Variants in APEH observed in about 807,000 individuals in gnomAD.
APEH encodes acylaminoacyl-peptide hydrolase.
In APEH, 75 loss-of-function variants were observed where a neutral mutation model predicts 102.7. That is an observed-to-expected ratio of 0.73 (90% CI 0.61 to 0.89). The LOEUF (loss-of-function observed/expected upper bound fraction) is 0.89. Ranked by LOEUF, APEH falls within the 40% of genes least tolerant of loss-of-function variation. APEH has a pLI of 0.00. For synonymous variants in APEH, 344 were observed against 362.7 expected (o/e 0.95, Z 0.59); for missense variants, 863 against 941.2 (o/e 0.92, Z 1.09).
At chr3:49,680,481 G>C in intron 13 of APEH, 60 bp from the exon 14 acceptor site, 2 of 1,445,830 alleles carry the variant, frequency 1.4e-6, no homozygotes, top group Non-Finnish European at 1.9e-6. Context: ...CTGTTACAGA[G>C]AAGCAGGTAA....
In APEH at chr3:49,683,452, T is replaced by C; in HGVS notation, c.*110T>C. 2.2e-6 allele frequency: 2 copies of C among 904,882 alleles called. No individual in the cohort carries two copies. The highest frequency in any genetic ancestry group is 4.9e-5 in the East Asian group (2 of 40,850). The allele number at this position is 904,882 out of a possible 1,614,324, so 56.1% of individuals were successfully genotyped here. ...CTTTCTGGGCTCTGGACTCCACGGATGCGTGGGCAGAGGAATGTGGGCTAT... is the reference window on the plus strand; with the variant it reads ...CTTTCTGGGCTCTGGACTCCACGGACGCGTGGGCAGAGGAATGTGGGCTAT... On this transcript the variant is annotated 3_prime_UTR_variant, in exon 22 of 22. Transcript: ENST00000296456.
chr3:49,677,511 G>A, intron 10 of APEH, 62 bp from the exon 11 acceptor site: 1 of 1,470,300 alleles, frequency 6.8e-7, no homozygotes. Flanking sequence ...TAGGCACAGG[G>A]CACTGTGCCC....
chr3:49,677,144 T>G, intron 10 of APEH, 120 bp downstream of exon 10: 1 of 1,414,230 alleles, frequency 7.1e-7, no homozygotes, highest in Non-Finnish European at 9.7e-7. Flanking sequence ...CTGTCCTCAA[T>G]GCAGCAGCGG....
At chr3:49,676,316 G>T in intron 6 of APEH, 62 bp from the exon 7 acceptor site, 2 of 1,612,470 alleles carry the variant, frequency 1.2e-6, no homozygotes, top group Non-Finnish European at 1.7e-6. Flanking sequence ...GGAGGCACTA[G>T]CTTTTAGGAA....
At chr3:49,681,636 T>G (rs1229359452) in intron 15 of APEH, 86 bp from the exon 16 acceptor site, 1 of 1,268,034 alleles carries the variant, frequency 7.9e-7, no homozygotes, top group Non-Finnish European at 1.1e-6. Flanking sequence ...GACCCAGAGG[T>G]CAGCCCCACA....
Position 49,676,090 on chromosome 3 carries a change from G to T in APEH, c.477G>T (p.Glu159Asp). ...CFGCLSWSHS[E>D]THLLYVAEKK... Reference sequence around the variant, plus strand: ...GCTGCCTGTCCTGGTCGCACTCGGAGACACACTTGTTGTATGTGGCAGAGA... The same window carrying T: ...GCTGCCTGTCCTGGTCGCACTCGGATACACACTTGTTGTATGTGGCAGAGA... The change falls in exon 6 of 22, where the codon GAG becomes GAT. Residue 159 changes from glutamate (E) to aspartate (D), a missense_variant. Coordinates refer to ENST00000296456, the MANE Select transcript of APEH (RefSeq NM_001640.4). The T allele has an allele frequency of 6.2e-7, 1 of 1,614,238 alleles. No individual in the cohort carries two copies. The highest frequency in any genetic ancestry group is 8.5e-7 in the Non-Finnish European group (1 of 1,180,038).
At chr3:49,678,806 C>G in intron 11 of APEH, 46 bp from the exon 12 acceptor site, 2 of 1,498,422 alleles carry the variant, frequency 1.3e-6, no homozygotes, top group Non-Finnish European at 1.9e-6. Flanking sequence ...GACTACCCTC[C>G]CTACCTCCAC....
At chr3:49,677,991 A>C (rs2053146193) in intron 11 of APEH, among the ~76,000 whole-genome samples, 1 of 152,152 alleles carries the variant, frequency 6.6e-6, no homozygotes, top group Non-Finnish European at 1.5e-5. Flanking sequence ...CAGGAAGTGC[A>C]CTAGGTTGGA....
chr3:49,683,300 C>A lies in APEH; in HGVS notation c.2157C>A (p.Phe719Leu). Residue 719 changes from phenylalanine to leucine, a missense_variant, in exon 22 of 22, where the codon TTC (phenylalanine) becomes TTA (leucine). Coordinates refer to ENST00000296456, the MANE Select transcript of APEH (RefSeq NM_001640.4). ...AGGTGGAGGTGGAGTCAGACAGCTTCATGAATGCTGTGCTCTGGCTACGCA... is the reference window on the plus strand; with the variant it reads ...AGGTGGAGGTGGAGTCAGACAGCTTAATGAATGCTGTGCTCTGGCTACGCA... ...LSEVEVESDS[F>L]MNAVLWLRTH... 1 of 1,614,006 alleles carries A rather than the reference C, an allele frequency of 6.2e-7. No homozygotes were observed. The highest frequency in any genetic ancestry group is 1.1e-5 in the South Asian group (1 of 91,082).
In APEH at chr3:49,674,419, G is replaced by A. The variant is rs2052917430; in HGVS notation, c.12+6G>A. Reference sequence around the variant, plus strand: ...AGGAGACTATGGAACGTCAGGTGAGGGCTCGGCCCGCGGTCCCCGTGGTCC... The same window carrying A: ...AGGAGACTATGGAACGTCAGGTGAGAGCTCGGCCCGCGGTCCCCGTGGTCC... On this transcript the variant is annotated splice_donor_region_variant and intron_variant, in intron 1 of 21. Coordinates refer to ENST00000296456, the MANE Select transcript of APEH (RefSeq NM_001640.4). 3 of 1,573,768 alleles carry A rather than the reference G, an allele frequency of 1.9e-6. No individual in the cohort carries two copies. The highest frequency in any genetic ancestry group is 2.6e-6 in the Non-Finnish European group (3 of 1,165,858).
chr3:49,673,656 C>A (rs2052873839), upstream of APEH, among the ~76,000 whole-genome samples: 1 of 152,150 alleles, frequency 6.6e-6, no homozygotes, highest in Non-Finnish European at 1.5e-5. Context: ...TTCTCTTCTT[C>A]GTCTGCGTGG....
At position 49,682,709 on chromosome 3, in the gene APEH, T is replaced by C. The variant is rs761569909; in HGVS notation, c.1856T>C (p.Met619Thr). The C allele has an allele frequency of 2.2e-5, 36 of 1,613,958 alleles. No homozygotes were observed. Among genetic ancestry groups the C allele is most frequent in the Non-Finnish European group, 3.1e-5 (36 of 1,180,000 alleles). Residue 619 changes from methionine (M) to threonine (T), a missense_variant, in exon 19 of 22, where the codon ATG (methionine) becomes ACG (threonine). Transcript: ENST00000296456. ...AACCCCGTGATCAACATCGCCTCCA[T>C]GTTGGGCTCCACTGACATCCCTGAC... ...ARNPVINIAS[M>T]LGSTDIPDWC...
In APEH at chr3:49,683,944, CTGT is replaced by C. The variant is rs2053472264; in HGVS notation, c.*603_*605del. 10 of 1,538,870 alleles carry C rather than the reference CTGT, an allele frequency of 6.5e-6. No individual in the cohort carries two copies. The highest frequency in any genetic ancestry group is 8.7e-6 in the Non-Finnish European group (10 of 1,143,954). ...CCTGGAAGCAAAGGCTAAGAAGCAT[CTGT>C]ACAGGCATAAAGAGGAAACATGGCT... On this transcript the variant is annotated 3_prime_UTR_variant, in exon 22 of 22. Transcript: ENST00000296456.
In APEH at chr3:49,674,351, A is replaced by G. The variant is rs1209036140; in HGVS notation, c.-51A>G. On this transcript the variant is annotated 5_prime_UTR_variant, in exon 1 of 22. Coordinates refer to ENST00000296456, the MANE Select transcript of APEH (RefSeq NM_001640.4). ...CCCAGGCTCCGCCCCCGGAAGCCTC[A>G]CTTCCGGGCGCGAGCACGCCCCGCC... 1.3e-6 allele frequency: 2 copies of G among 1,536,818 alleles called. No homozygotes were observed. The highest frequency in any genetic ancestry group is 1.7e-6 in the Non-Finnish European group (2 of 1,148,056).
chr3:49,682,835 T>C lies in APEH; in HGVS notation c.1884-8T>C, dbSNP rs755468844. The C allele has an allele frequency of 1.9e-6, 3 of 1,614,018 alleles. No individual in the cohort carries two copies. The South Asian group carries it at 3.3e-5, about 18-fold the overall frequency. Reference sequence around the variant, plus strand: ...TTCCTGGGGCTGCAACAGCTCGGTGTCTTGCAGGTGCGTGGTGGAGGCTGG... The same window carrying C: ...TTCCTGGGGCTGCAACAGCTCGGTGCCTTGCAGGTGCGTGGTGGAGGCTGG... On this transcript the variant is annotated splice_polypyrimidine_tract_variant and splice_region_variant and intron_variant, in intron 19 of 21. Transcript: ENST00000296456.
chr3:49,673,913 A>C, upstream of APEH: 1 of 167,058 alleles, frequency 6.0e-6, no homozygotes. Context: ...ATCCTCAAAG[A>C]CTCATTGGTC....
Position 49,679,485 on chromosome 3 carries a change from G to A in APEH, c.1159-108G>A. 8.4e-7 allele frequency: 1 copy of A among 1,193,802 alleles called. No homozygotes were observed. The highest frequency in any genetic ancestry group is 1.2e-6 in the Non-Finnish European group (1 of 811,866). The allele number at this position is 1,193,802 out of a possible 1,614,324, so 74.0% of individuals were successfully genotyped here. ...ATCACCATAGCTGTCCACAGCCTTG[G>A]TCTGGCCAGGGCTCTCCAAGAGGGT... On this transcript the variant is annotated intron_variant, in intron 12 of 21. Transcript: ENST00000296456. This position sits in a 1 kb window ranked among gnomAD's most constrained non-coding sequence, Gnocchi z 4.3.
chr3:49,680,466 G>A, intron 13 of APEH, 75 bp from the exon 14 acceptor site: 4 of 1,339,400 alleles, frequency 3.0e-6, no homozygotes, highest in Non-Finnish European at 4.3e-6. Flanking sequence ...CTCCAGCCTG[G>A]GACTCTGTTA....
Position 49,683,650 on chromosome 3 carries a change from G to A in APEH, c.*308G>A, listed in dbSNP as rs934674319. 7 of 470,340 alleles carry A rather than the reference G, an allele frequency of 1.5e-5. No homozygotes were observed. Among genetic ancestry groups the A allele is most frequent in the Middle Eastern group, 1.2e-3 (2 of 1,674 alleles). 29.1% of individuals were successfully genotyped at this position (470,340 alleles called of 1,614,324 possible). A position where few individuals can be genotyped will look rare whatever the true frequency, so the allele number is the denominator to read the frequency against. Reference sequence around the variant, plus strand: ...AAGGGAGGGAACAGTGAGAGGCTTAGCCTCTGCCTGTCCTGGCAACCAGGA... The same window carrying A: ...AAGGGAGGGAACAGTGAGAGGCTTAACCTCTGCCTGTCCTGGCAACCAGGA... On this transcript the variant is annotated 3_prime_UTR_variant, in exon 22 of 22. Coordinates refer to ENST00000296456, the MANE Select transcript of APEH (RefSeq NM_001640.4).
Sources: allele counts gnomAD v4.1 joint callset (sites outside exome capture counted in the v4.1 genomes callset), GRCh38; gene constraint gnomAD v4.1.1; non-coding constraint Gnocchi (gnomAD v3.1); transcripts MANE v1.5; gene names NCBI Gene and HGNC (gene_info 2026-07-23, HGNC 2026-07-21).